Variants in CBFA2T2 observed in about 807,000 individuals in gnomAD.
The protein encoded by CBFA2T2 is protein CBFA2T2.
CBFA2T2 carries 11 observed loss-of-function variants against 62.2 expected under a neutral mutation model. That is an observed-to-expected ratio of 0.18 (90% confidence interval 0.11 to 0.29). CBFA2T2 has a LOEUF of 0.29. CBFA2T2 is among the 10% of genes least tolerant of loss of function. CBFA2T2 has a pLI of 1.00. For missense variants in CBFA2T2, 592 were observed against 774.1 expected (o/e 0.76, Z 2.79); for synonymous variants, 295 against 287.5 (o/e 1.03, Z -0.27).
chr20:33,571,539 T>C (rs937240850), intron 1 of CBFA2T2, among the ~76,000 whole-genome samples: 2 of 152,226 alleles, frequency 1.3e-5, no homozygotes, highest in Non-Finnish European at 2.9e-5. Context: ...ATATTACCGC[T>C]GTCTAGGATT....
chr20:33,497,159 G>C (rs1249193561), intron 1 of CBFA2T2, among the ~76,000 whole-genome samples: 2 of 151,152 alleles, frequency 1.3e-5, no homozygotes, highest in African/African-American at 2.4e-5. Flanking sequence ...TGTAGTTCCA[G>C]CTACTCAGGA....
intron 1 of CBFA2T2, among the ~76,000 whole-genome samples, chr20:33,587,509 GC>G (rs972681082): frequency 1.3e-5 from 2 of 149,974 alleles, no homozygotes; most frequent in Non-Finnish European, 3.0e-5. Context: ...CTCGTGATCC[GC>G]CCCCCTTGGC....
intron 1 of CBFA2T2, among the ~76,000 whole-genome samples, chr20:33,597,306 C>A (rs1383088891): frequency 6.6e-6 from 1 of 152,056 alleles, no homozygotes; most frequent in Non-Finnish European, 1.5e-5. Context: ...TTAGTAGTTA[C>A]TCGAATAATT....
chr20:33,612,986 T>C lies in CBFA2T2; in HGVS notation c.420+1651T>C, dbSNP rs115926255. ...CCTGTGGTCCTAGATACTCAGTAGG[T>C]TGAGGTGGGAGGATTCCTTGGGCCC... On this transcript the variant is annotated intron_variant, in intron 3 of 10. Transcript: ENST00000342704. Among the ~76,000 whole-genome samples the C allele has an allele frequency of 5.6e-3, 849 of 152,182 alleles. 5 individuals are homozygous for C. Among genetic ancestry groups the C allele is most frequent in the African/African-American group, 0.019 (793 of 41,522 alleles).
chr20:33,520,299 G>A (rs929660115), intron 1 of CBFA2T2, among the ~76,000 whole-genome samples: 3 of 152,140 alleles, frequency 2.0e-5, no homozygotes, highest in Non-Finnish European at 4.4e-5. Context: ...AGGGAGGAGA[G>A]GCAGATGTCT....
At chr20:33,559,702 G>A (rs186664420) in intron 1 of CBFA2T2, among the ~76,000 whole-genome samples, 1 of 152,088 alleles carries the variant, frequency 6.6e-6, no homozygotes, top group African/African-American at 2.4e-5. Context: ...TGGCTAGGAT[G>A]GTCTTGATCT....
At position 33,645,567 on chromosome 20, in the gene CBFA2T2, C is replaced by G. The variant is rs1263308003; in HGVS notation, c.*921C>G. ...TCTTGTTCTGTGTCCTTTTATCTCT[C>G]AGACCACACACATCTGGAACGCTGT... On this transcript the variant is annotated 3_prime_UTR_variant, in exon 11 of 11. Transcript: ENST00000342704. The G allele has an allele frequency of 6.6e-6, 1 of 152,198 alleles. No individual in the cohort carries two copies. The highest frequency in any genetic ancestry group is 1.9e-4 in the East Asian group (1 of 5,202). 9.4% of individuals were successfully genotyped at this position (152,198 alleles called of 1,614,324 possible).
intron 1 of CBFA2T2, among the ~76,000 whole-genome samples, chr20:33,563,521 T>C (rs1046360748): frequency 1.7e-4 from 26 of 152,240 alleles, no homozygotes; most frequent in African/African-American, 6.3e-4. Flanking sequence ...TTTTACTGTT[T>C]CCATACATTG....
chr20:33,625,036 A>T lies in CBFA2T2; in HGVS notation c.946+19A>T. 1 of 1,603,736 alleles carries T rather than the reference A, an allele frequency of 6.2e-7. No homozygotes were observed. Among genetic ancestry groups the T allele is most frequent in the Non-Finnish European group, 8.5e-7 (1 of 1,172,082 alleles). ...AGTCTTGGTAAGCAACCGAAGCAGC[A>T]TGGTAAATTCAGACTGGATTCTTGG... On this transcript the variant is annotated intron_variant, in intron 6 of 10. Coordinates refer to ENST00000342704, the MANE Select transcript of CBFA2T2 (RefSeq NM_001032999.3).
intron 1 of CBFA2T2, among the ~76,000 whole-genome samples, chr20:33,543,202 A>G (rs1231916890): frequency 6.6e-6 from 1 of 151,968 alleles, no homozygotes; most frequent in Non-Finnish European, 1.5e-5. Flanking sequence ...GTAGTAGAGC[A>G]GGGTTTCACC....
At chr20:33,510,344 G>A (rs1048681807) in intron 1 of CBFA2T2, among the ~76,000 whole-genome samples, 15 of 151,624 alleles carry the variant, frequency 9.9e-5, no homozygotes, top group Non-Finnish European at 1.9e-4. Context: ...CCGAGTAGCT[G>A]GGACTACAGG....
At chr20:33,492,662 C>T (rs2011156708) in intron 1 of CBFA2T2, among the ~76,000 whole-genome samples, 1 of 151,806 alleles carries the variant, frequency 6.6e-6, no homozygotes. Context: ...CTCCAGGCGC[C>T]ACCACACCCA....
At position 33,559,193 on chromosome 20, in the gene CBFA2T2, T is replaced by TTTTTTTTTC. The variant is rs1555835221; in HGVS notation, c.35-47763_35-47762insTTTTTTTTC. ...CTTTCTTTTTTTTTTTTTTTTTTTT[T>TTTTTTTTTC]CTGAGATGGAGTGTCACTCTGTCAC... On this transcript the variant is annotated intron_variant, in intron 1 of 10. Coordinates refer to ENST00000342704, the MANE Select transcript of CBFA2T2 (RefSeq NM_001032999.3). 2.3e-3 allele frequency among the ~76,000 whole-genome samples: 336 copies of TTTTTTTTTC among 143,892 alleles called. 4 individuals carry two copies. The highest frequency in any genetic ancestry group is 8.7e-3 in the African/African-American group (317 of 36,334). The allele number at this position is 143,892 out of a possible 152,430, so 94.4% of individuals were successfully genotyped here.
At chr20:33,576,022 C>T (rs1437729920) in intron 1 of CBFA2T2, among the ~76,000 whole-genome samples, 3 of 151,924 alleles carry the variant, frequency 2.0e-5, no homozygotes, top group East Asian at 3.9e-4. Context: ...CTCCTGATCT[C>T]GTGATCCGCC....
In CBFA2T2 at chr20:33,556,503, G is replaced by A. The variant is rs115768308; in HGVS notation, c.35-50453G>A. 4.8e-3 allele frequency among the ~76,000 whole-genome samples: 737 copies of A among 152,246 alleles called. 9 individuals are homozygous for A. Among genetic ancestry groups the A allele is most frequent in the African/African-American group, 0.016 (680 of 41,550 alleles). On this transcript the variant is annotated intron_variant, in intron 1 of 10. Transcript: ENST00000342704. ...CCTCTTTGTGATTAATAAGTAATTT[G>A]TTGGGTATATTTAGAGATGATGAAG...
At chr20:33,619,467 G>C in intron 3 of CBFA2T2, 50 bp from the exon 4 acceptor site, 1 of 1,001,158 alleles carries the variant, frequency 1.0e-6, no homozygotes, top group Non-Finnish European at 1.5e-6. Context: ...GGCACTATAA[G>C]TTTTGGAAGT....
chr20:33,537,049 G>A (rs568895656), intron 1 of CBFA2T2, among the ~76,000 whole-genome samples: 9 of 152,262 alleles, frequency 5.9e-5, no homozygotes, highest in East Asian at 1.9e-4. Context: ...GACGATGGGC[G>A]GCCAGGCAGA....
intron 1 of CBFA2T2, among the ~76,000 whole-genome samples, chr20:33,570,364 A>G (rs1229584805): frequency 1.3e-5 from 2 of 152,240 alleles, no homozygotes; most frequent in African/African-American, 4.8e-5. Flanking sequence ...CTATGAAGGC[A>G]AGCCTCTAGG....
rs1218701695 is a variant in CBFA2T2, at chr20:33,640,374, T to C, written c.1331T>C (p.Met444Thr). Residue 444 changes from methionine (M) to threonine (T), a missense_variant, in exon 10 of 11, where the codon ATG (methionine) becomes ACG (threonine). By Grantham distance (81) the Met-to-Thr change is moderately conservative. Coordinates refer to ENST00000342704, the MANE Select transcript of CBFA2T2 (RefSeq NM_001032999.3). Reference sequence around the variant, plus strand: ...GTGAATAAGGTGAAAATTCAGGCCATGTCAGAAGTACAGAAGGCCGTCGCT... The same window carrying C: ...GTGAATAAGGTGAAAATTCAGGCCACGTCAGAAGTACAGAAGGCCGTCGCT... ...EAVNKVKIQA[M>T]SEVQKAVAEA... The C allele has an allele frequency of 1.2e-6, 2 of 1,614,088 alleles. No individual in the cohort carries two copies. Among genetic ancestry groups the C allele is most frequent in the East Asian group, 2.2e-5 (1 of 44,904 alleles).
Sources: gnomAD v4.1 joint callset for allele counts (sites outside exome capture counted in the v4.1 genomes callset) on GRCh38, gnomAD v4.1.1 for gene constraint, MANE v1.5 for transcripts, NCBI Gene and HGNC (gene_info 2026-07-23, HGNC 2026-07-21) for gene names.